Variants in KIFC3 observed in about 807,000 individuals in gnomAD.
KIFC3 encodes kinesin-like protein KIFC3.
KIFC3 carries 60 observed loss-of-function variants against 101.8 expected under a neutral mutation model. That is an observed-to-expected ratio of 0.59 (90% CI 0.48 to 0.73). The LOEUF is 0.73. KIFC3 is among the 30% of genes least tolerant of loss of function. KIFC3 has a pLI of 0.00. For synonymous variants in KIFC3, 476 were observed against 482.7 expected, an observed-to-expected ratio of 0.99 and a Z score of 0.18; for missense variants, 966 against 1,137.1, an observed-to-expected ratio of 0.85 and a Z score of 2.16.
intron 3 of KIFC3, among the ~76,000 whole-genome samples, chr16:57,774,486 G>C (rs973733259): frequency 1.3e-5 from 2 of 151,862 alleles, no homozygotes; most frequent in Non-Finnish European, 2.9e-5. Flanking sequence ...TCTGGGCTGT[G>C]GAATTATAGT....
At chr16:57,810,536 C>T (rs951900566) in intron 1 of KIFC3, 1 of 408,788 alleles carries the variant, frequency 2.4e-6, no homozygotes, top group Non-Finnish European at 3.3e-6. Flanking sequence ...TCCAGGTGAC[C>T]GAGAGGAAGC....
intron 9 of KIFC3, among the ~76,000 whole-genome samples, chr16:57,768,639 T>G (rs1239670651): frequency 3.3e-5 from 5 of 152,206 alleles, no homozygotes; most frequent in Non-Finnish European, 7.3e-5. Context: ...ATTCACCTGA[T>G]GCCCTGCTAT....
intron 1 of KIFC3, among the ~76,000 whole-genome samples, chr16:57,862,449 A>C (rs558570866): frequency 1.1e-4 from 17 of 152,156 alleles, no homozygotes; most frequent in Non-Finnish European, 2.5e-4. Context: ...TCAGAAAGCA[A>C]AACTGTGGAT....
rs530187049 is a variant in KIFC3, at chr16:57,858,184, A to C, written c.108+4545T>G. Reference sequence around the variant, plus strand: ...TGTTTCCAAGTCTTTGCTACTATGAATAGTGCTGCAATAGCTTTCTTTTTT... The same window carrying C: ...TGTTTCCAAGTCTTTGCTACTATGACTAGTGCTGCAATAGCTTTCTTTTTT... On this transcript the variant is annotated intron_variant, in intron 1 of 2. Coordinates refer to the KIFC3 transcript ENST00000563028. 3.3e-5 allele frequency among the ~76,000 whole-genome samples: 5 copies of C among 152,170 alleles called. No homozygotes were observed. The South Asian group carries it at 1.0e-3, about 32-fold the overall frequency.
At chr16:57,845,961 C>T (rs1053359132) in intron 1 of KIFC3, among the ~76,000 whole-genome samples, 13 of 152,186 alleles carry the variant, frequency 8.5e-5, no homozygotes, top group African/African-American at 3.1e-4. Flanking sequence ...AAGGAAGGGG[C>T]TGCCCCAGAG....
intron 2 of KIFC3, among the ~76,000 whole-genome samples, chr16:57,795,896 T>G (rs868991900): frequency 0.11 from 14,028 of 124,074 alleles, 766 homozygotes; most frequent in Middle Eastern, 0.18. Flanking sequence ...TTTTTTTTTT[T>G]TTTTTTTTTT....
In KIFC3 at chr16:57,758,909, C is replaced by A; in HGVS notation, c.*25G>T. The stretch of plus-strand genomic sequence containing the variant: ...TCACACAGGCAGTGGCCGCGACTTC[C>A]CTGCAGGGGCATGAGATCATCAGCC... On this transcript the variant is annotated splice_region_variant and 3_prime_UTR_variant, in exon 20 of 20. Transcript: ENST00000445690. 6.4e-7 allele frequency: 1 copy of A among 1,574,532 alleles called. No individual in the cohort carries two copies. The highest frequency in any genetic ancestry group is 8.6e-7 in the Non-Finnish European group (1 of 1,160,036).
intron 3 of KIFC3, chr16:57,774,837 CA>C: frequency 7.5e-7 from 1 of 1,324,946 alleles, no homozygotes; most frequent in Non-Finnish European, 9.7e-7. Flanking sequence ...AGTAATTTTT[CA>C]GTCTCAAAGA....
At chr16:57,797,622 C>G (rs2054441203) in intron 2 of KIFC3, 16 of 955,226 alleles carry the variant, frequency 1.7e-5, no homozygotes, top group Non-Finnish European at 1.9e-5. Flanking sequence ...CAGCCTCGGT[C>G]CACTCCCAAC....
rs1555606034 is a variant in KIFC3, at chr16:57,769,765, G to A, written c.1088-40C>T. On this transcript the variant is annotated intron_variant, in intron 8 of 19. Coordinates refer to ENST00000445690, the MANE Select transcript of KIFC3 (RefSeq NM_001130100.2). The surrounding 1 kb of genome is among the most constrained non-coding windows in gnomAD (Gnocchi z 4.3). ...GGGCTGTGAGGCGGGAGGGGATGAG[G>A]GGCCGCGGCGTGGGGCAGACAGGGC... 1 of 1,612,692 alleles carries A rather than the reference G, an allele frequency of 6.2e-7. No individual in the cohort carries two copies. Among genetic ancestry groups the A allele is most frequent in the South Asian group, 1.1e-5 (1 of 91,066 alleles).
intron 1 of KIFC3, among the ~76,000 whole-genome samples, chr16:57,847,377 C>T (rs990133923): frequency 2.0e-5 from 3 of 151,592 alleles, no homozygotes; most frequent in Non-Finnish European, 4.4e-5. Context: ...CTTGCTTGAG[C>T]CCAGGAGTTC....
In KIFC3 at chr16:57,760,756, A is replaced by G; in HGVS notation, c.2202T>C (p.Ser734=). ...KLTYLLQDSL[S]GDSKTLMVVQ... is the part of the protein sequence containing the mutation. ...CCACCATGAGGGTCTTGCTGTCACC[A>G]CTAAGCGAATCCTGCAGCAGGTAGG... The change falls in exon 16 of 20, where the codon AGT becomes AGC. Residue 734 remains serine, a synonymous_variant. Coordinates refer to ENST00000445690, the MANE Select transcript of KIFC3 (RefSeq NM_001130100.2). 1.2e-6 allele frequency: 2 copies of G among 1,613,854 alleles called. No individual in the cohort carries two copies. Among genetic ancestry groups the G allele is most frequent in the Non-Finnish European group, 1.7e-6 (2 of 1,180,000 alleles).
chr16:57,795,874 G>A (rs2054254177), intron 2 of KIFC3, among the ~76,000 whole-genome samples: 1 of 143,900 alleles, frequency 6.9e-6, no homozygotes, highest in South Asian at 2.2e-4. Context: ...CTGTTTTTTT[G>A]GGCTTTTTTG....
intron 3 of KIFC3, among the ~76,000 whole-genome samples, chr16:57,785,228 G>C (rs1555616954): frequency 2.6e-5 from 4 of 152,158 alleles, no homozygotes; most frequent in Non-Finnish European, 5.9e-5. Context: ...GGCACAAGGA[G>C]GACCAGGATG....
chr16:57,825,049 G>A (rs569194009), intron 1 of KIFC3, among the ~76,000 whole-genome samples: 1 of 152,248 alleles, frequency 6.6e-6, no homozygotes, highest in South Asian at 2.1e-4. Flanking sequence ...ATGTCAACAG[G>A]GCACTTCACA....
intron 1 of KIFC3, among the ~76,000 whole-genome samples, chr16:57,842,080 G>A (rs1331516205): frequency 1.3e-5 from 2 of 151,822 alleles, no homozygotes; most frequent in Non-Finnish European, 2.9e-5. Context: ...CCTGTAATAG[G>A]TCCCAGCTAC....
Position 57,760,327 on chromosome 16 carries a change from T to C in KIFC3, c.2322A>G (p.Leu774=), listed in dbSNP as rs1555594922. The C allele has an allele frequency of 6.2e-7, 1 of 1,613,920 alleles. No homozygotes were observed. Among genetic ancestry groups the C allele is most frequent in the Admixed American group, 1.7e-5 (1 of 60,012 alleles). Reference sequence around the variant, plus strand: ...ACCAGGACCCAAGCTCTGCCCTGCGTAGCCCAGGCCCCAGCTCCACAGAGC... The same window carrying C: ...ACCAGGACCCAAGCTCTGCCCTGCGCAGCCCAGGCCCCAGCTCCACAGAGC... ...RVRSVELGPG[L]RRAELGSWSS... The change falls in exon 17 of 20, where the codon CTA becomes CTG. Residue 774 remains leucine, a synonymous_variant. Coordinates refer to ENST00000445690, the MANE Select transcript of KIFC3 (RefSeq NM_001130100.2).
chr16:57,858,675 A>G (rs2056230487), intron 1 of KIFC3, among the ~76,000 whole-genome samples: 1 of 152,060 alleles, frequency 6.6e-6, no homozygotes, highest in Non-Finnish European at 1.5e-5. Flanking sequence ...GGCCGGGTGC[A>G]GTGGCTCACA....
chr16:57,801,845 T>C (rs1555625607), intron 1 of KIFC3, among the ~76,000 whole-genome samples: 1 of 152,266 alleles, frequency 6.6e-6, no homozygotes, highest in African/African-American at 2.4e-5. Flanking sequence ...TCACAACTGC[T>C]GCGGCTGTCA....
Sources: gnomAD v4.1 joint callset for allele counts (sites outside exome capture counted in the v4.1 genomes callset) on GRCh38, gnomAD v4.1.1 for gene constraint, Gnocchi (gnomAD v3.1) non-coding constraint, MANE v1.5 for transcripts, NCBI Gene and HGNC (gene_info 2026-07-23, HGNC 2026-07-21) for gene names.